The following GZMA variants were observed in gnomAD, a reference collection of about 807,000 sequenced individuals.
The protein encoded by GZMA is CTL tryptase.
Under a neutral mutation model 21.1 loss-of-function variants are expected in GZMA, and 17 were observed. That is an observed-to-expected ratio of 0.81 (90% CI 0.55 to 1.21). The LOEUF (loss-of-function observed/expected upper bound fraction) is 1.21, where lower values mean the gene tolerates loss of function less well. Among genes scored for constraint, GZMA ranks in the 50% most tolerant of loss-of-function variants. The pLI is 0.00. For synonymous variants in GZMA, 90 were observed against 107.8 expected (o/e 0.83, Z 1.03); for missense variants, 306 against 315.9 (o/e 0.97, Z 0.24).
chr5:55,106,384 A>G (rs1391587475), intron 2 of GZMA, among the ~76,000 whole-genome samples: 1 of 151,724 alleles, frequency 6.6e-6, no homozygotes, highest in East Asian at 1.9e-4. Flanking sequence ...GGAGGTTCAT[A>G]TGTATCTTCA....
chr5:55,104,205 C>T (rs1561278975), intron 1 of GZMA, among the ~76,000 whole-genome samples: 2 of 152,116 alleles, frequency 1.3e-5, no homozygotes, highest in African/African-American at 4.8e-5. Flanking sequence ...ACAAAAGCAA[C>T]CTGCTGTGCT....
rs368904754 is a variant in GZMA, at chr5:55,107,267, ACACACTCAATGCCAAG to A, written c.216-508_216-493del. Reference sequence around the variant, plus strand: ...CCTCCTTCAGACCACCATCCCTTCAACACACTCAATGCCAAGCACACTCAATGCCAAGCAAATAGGG... The same window carrying A: ...CCTCCTTCAGACCACCATCCCTTCAACACACTCAATGCCAAGCAAATAGGG... On this transcript the variant is annotated intron_variant, in intron 2 of 4. Coordinates refer to ENST00000274306, the MANE Select transcript of GZMA (RefSeq NM_006144.4). 8.5e-4 allele frequency among the ~76,000 whole-genome samples: 130 copies of A among 152,254 alleles called. No individual in the cohort carries two copies. The Middle Eastern group carries it at 0.021, about 24-fold the overall frequency.
chr5:55,104,501 C>T (rs779664963), intron 1 of GZMA, among the ~76,000 whole-genome samples: 10 of 152,196 alleles, frequency 6.6e-5, no homozygotes, highest in South Asian at 6.2e-4. Flanking sequence ...TCAAATCTTA[C>T]GAAAGGCTTC....
intron 2 of GZMA, among the ~76,000 whole-genome samples, chr5:55,107,138 C>T (rs1742429893): frequency 1.3e-5 from 2 of 152,138 alleles, no homozygotes; most frequent in Admixed American, 6.5e-5. Flanking sequence ...GTAGTTTATA[C>T]TAGGTTATGA....
At position 55,108,683 on chromosome 5, in the gene GZMA, C is replaced by T. The variant is rs564187388; in HGVS notation, c.627+289C>T. ...TGTTTGGTCTCATTTTTCATGTTAACATACGTAGATCTAAACTTGAAGATA... is the reference window on the plus strand; with the variant it reads ...TGTTTGGTCTCATTTTTCATGTTAATATACGTAGATCTAAACTTGAAGATA... On this transcript the variant is annotated intron_variant, in intron 4 of 4. Coordinates refer to ENST00000274306, the MANE Select transcript of GZMA (RefSeq NM_006144.4). Among the ~76,000 whole-genome samples the T allele has an allele frequency of 3.7e-3, 570 of 152,288 alleles. 3 individuals are homozygous for T. Among genetic ancestry groups the T allele is most frequent in the Admixed American group, 5.9e-3 (90 of 15,296 alleles).
chr5:55,105,600 C>T lies in GZMA; in HGVS notation c.197C>T (p.Thr66Ile). The change falls in exon 2 of 5, where the codon ACT (threonine) becomes ATT (isoleucine). Residue 66 changes from threonine to isoleucine, a missense_variant. Coordinates refer to ENST00000274306, the MANE Select transcript of GZMA (RefSeq NM_006144.4). ...GALIAKDWVL[T>I]AAHCNLNKRS... Reference sequence around the variant, plus strand: ...TTGATTGCAAAAGACTGGGTGTTGACTGCAGCTCACTGTAACTTGTAAGTG... The same window carrying T: ...TTGATTGCAAAAGACTGGGTGTTGATTGCAGCTCACTGTAACTTGTAAGTG... 2.5e-6 allele frequency: 4 copies of T among 1,613,604 alleles called. No homozygotes were observed. The highest frequency in any genetic ancestry group is 1.3e-5 in the African/African-American group (1 of 75,012).
chr5:55,102,805 A>G, intron 1 of GZMA, 53 bp downstream of exon 1: 1 of 1,100,490 alleles, frequency 9.1e-7, no homozygotes, highest in Non-Finnish European at 1.4e-6. Flanking sequence ...AATGGAGCAG[A>G]CTTTCAATGA....
At chr5:55,105,760 G>T in intron 2 of GZMA, 142 bp downstream of exon 2, 1 of 687,686 alleles carries the variant, frequency 1.5e-6, no homozygotes, top group Non-Finnish European at 2.5e-6. Flanking sequence ...ATCACATGAG[G>T]TCAGGAGTTT....
chr5:55,107,904 C>CA lies in GZMA; in HGVS notation c.326_327insA (p.Thr110HisfsTer5), dbSNP rs1158670331. The CA allele has an allele frequency of 1.2e-6, 2 of 1,612,780 alleles. No individual in the cohort carries two copies. Among genetic ancestry groups the CA allele is most frequent in the African/African-American group, 2.7e-5 (2 of 74,876 alleles). The stretch of plus-strand genomic sequence containing the variant: ...TTTCCCTATCCATGCTATGACCCAG[C>CA]CACACGCGAAGGTGACCTTAAACTT... On this transcript the variant is annotated frameshift_variant, in exon 3 of 5. Transcript: ENST00000274306. LOFTEE classifies it high-confidence loss of function.
intron 3 of GZMA, 82 bp downstream of exon 3, chr5:55,108,017 C>T: frequency 7.0e-7 from 1 of 1,423,888 alleles, no homozygotes; most frequent in Non-Finnish European, 9.8e-7. Context: ...TCCTTGGTGC[C>T]CCTGTTGTAA....
intron 2 of GZMA, among the ~76,000 whole-genome samples, chr5:55,105,991 ATAAAT>A (rs1460455993): frequency 0.011 from 50 of 4,542 alleles, 8 homozygotes; most frequent in African/African-American, 0.02. Context: ...ATAAAATAAA[ATAAAT>A]AAAATAAAAT....
Position 55,110,251 on chromosome 5 carries a change from T to C in GZMA, c.*69T>C. Reference sequence around the variant, plus strand: ...CAAATAAAATCAATTTGCATGACTGTACCTGTTTCTCTCTTGTAACCTTAG... The same window carrying C: ...CAAATAAAATCAATTTGCATGACTGCACCTGTTTCTCTCTTGTAACCTTAG... On this transcript the variant is annotated 3_prime_UTR_variant, in exon 5 of 5. Coordinates refer to ENST00000274306, the MANE Select transcript of GZMA (RefSeq NM_006144.4). 8.4e-7 allele frequency: 1 copy of C among 1,187,622 alleles called. No individual in the cohort carries two copies. Among genetic ancestry groups the C allele is most frequent in the East Asian group, 2.5e-5 (1 of 40,058 alleles). 73.6% of individuals were successfully genotyped at this position (1,187,622 alleles called of 1,614,324 possible).
intron 1 of GZMA, among the ~76,000 whole-genome samples, chr5:55,104,556 G>A (rs1742353050): frequency 6.6e-6 from 1 of 152,162 alleles, no homozygotes; most frequent in South Asian, 2.1e-4. Flanking sequence ...CAATGACTTA[G>A]TCCTAATTAT....
At chr5:55,103,218 T>C (rs1742333593) in intron 1 of GZMA, among the ~76,000 whole-genome samples, 3 of 152,174 alleles carry the variant, frequency 2.0e-5, no homozygotes, top group Non-Finnish European at 1.5e-5. Context: ...AGGAAAGGAA[T>C]AGTGGCAACT....
At chr5:55,104,539 A>C (rs1191899457) in intron 1 of GZMA, among the ~76,000 whole-genome samples, 1 of 152,200 alleles carries the variant, frequency 6.6e-6, no homozygotes, top group Non-Finnish European at 1.5e-5. Context: ...CTTGCCTGTG[A>C]ATTTGGCAAT....
chr5:55,105,784 C>A (rs1253684954), intron 2 of GZMA, among the ~76,000 whole-genome samples, 166 bp downstream of exon 2: 1 of 151,872 alleles, frequency 6.6e-6, no homozygotes, highest in African/African-American at 2.4e-5. Context: ...ACTAGCCTGG[C>A]CAACATGGTG....
intron 3 of GZMA, 23 bp from the exon 4 acceptor site, chr5:55,108,102 A>C: frequency 6.5e-7 from 1 of 1,546,132 alleles, no homozygotes; most frequent in South Asian, 1.1e-5. Flanking sequence ...TCCCATTAAC[A>C]CTTTATGTTT....
chr5:55,107,733 T>C (rs914265631), intron 2 of GZMA, 61 bp from the exon 3 acceptor site: 3 of 1,348,712 alleles, frequency 2.2e-6, no homozygotes, highest in Admixed American at 1.7e-5. Flanking sequence ...CTGATCAGTA[T>C]ATATGCTCAA....
At chr5:55,104,030 G>A (rs1402187333) in intron 1 of GZMA, among the ~76,000 whole-genome samples, 1 of 151,926 alleles carries the variant, frequency 6.6e-6, no homozygotes, top group East Asian at 1.9e-4. Flanking sequence ...AAGAGAGAGA[G>A]AGAGAAGAAA....
Sources: allele counts gnomAD v4.1 joint callset (sites outside exome capture counted in the v4.1 genomes callset), GRCh38; gene constraint gnomAD v4.1.1; transcripts MANE v1.5; gene names NCBI Gene and HGNC (gene_info 2026-07-23, HGNC 2026-07-21).